Variants in RNF125 observed in about 807,000 individuals in gnomAD.
RNF125 encodes E3 ubiquitin-protein ligase RNF125.
In RNF125, 21 loss-of-function variants were observed where a neutral mutation model predicts 26.0. The observed-to-expected ratio is 0.81, with a 90% CI of 0.57 to 1.16. The LOEUF (loss-of-function observed/expected upper bound fraction) is 1.16, where lower values mean the gene tolerates loss of function less well. RNF125 is among the 50% of genes most tolerant of loss of function. The pLI is 0.00. For missense variants in RNF125, 270 were observed against 299.4 expected (o/e 0.90, Z 0.72); for synonymous variants, 95 against 109.2 (o/e 0.87, Z 0.81).
intron 4 of RNF125, among the ~76,000 whole-genome samples, chr18:32,049,069 G>A (rs148695614): frequency 4.9e-4 from 74 of 152,314 alleles, no homozygotes; most frequent in African/African-American, 1.7e-3. Context: ...GGGGCAGGCC[G>A]TGTACTGGTC....
intron 2 of RNF125, among the ~76,000 whole-genome samples, chr18:32,037,966 C>T (rs1446707237): frequency 6.6e-6 from 1 of 152,052 alleles, no homozygotes; most frequent in Admixed American, 6.6e-5. Context: ...GCTTGGGTCC[C>T]CTTCCATGTT....
At chr18:32,047,577 G>A (rs1196720197) in intron 4 of RNF125, among the ~76,000 whole-genome samples, 1 of 152,128 alleles carries the variant, frequency 6.6e-6, no homozygotes, top group East Asian at 1.9e-4. Flanking sequence ...ACCATAATTG[G>A]GAACATTTAT....
chr18:32,055,680 A>T (rs1384973715), intron 4 of RNF125, among the ~76,000 whole-genome samples: 1 of 152,010 alleles, frequency 6.6e-6, no homozygotes, highest in Non-Finnish European at 1.5e-5. Context: ...GATTGTGGGG[A>T]TTATTAAGAG....
At chr18:32,023,673 C>T (rs1365388643) in intron 1 of RNF125, among the ~76,000 whole-genome samples, 1 of 152,158 alleles carries the variant, frequency 6.6e-6, no homozygotes, top group Non-Finnish European at 1.5e-5. Context: ...TGTTACTGAA[C>T]TTATGCATGT....
chr18:32,057,237 T>C (rs170861), intron 4 of RNF125, among the ~76,000 whole-genome samples: 51,382 of 152,008 alleles, frequency 0.34, 9,537 homozygotes, highest in South Asian at 0.43. Context: ...TTCTAGATAA[T>C]TGAATGTTAT....
rs569488414 is a variant in RNF125, at chr18:32,042,358, T to A, written c.413+85T>A. 9.4e-5 allele frequency: 76 copies of A among 811,690 alleles called. No individual in the cohort carries two copies. The African/African-American group carries it at 1.2e-3, about 13-fold the overall frequency. The allele number at this position is 811,690 out of a possible 1,614,324, so 50.3% of individuals were successfully genotyped here. ...TGGGCTGGAAACTTTAACATTCTTATGAAAATATTTACATATTTATGTTTA... is the reference window on the plus strand; with the variant it reads ...TGGGCTGGAAACTTTAACATTCTTAAGAAAATATTTACATATTTATGTTTA... On this transcript the variant is annotated intron_variant, in intron 3 of 5. Transcript: ENST00000217740.
chr18:32,083,856 T>C, the RNF125 span, among the ~76,000 whole-genome samples: 15 of 151,600 alleles, frequency 9.9e-5, no homozygotes, highest in East Asian at 2.1e-3. Flanking sequence ...TGAGCTATGA[T>C]TGTGCCACTG....
At chr18:32,040,269 C>CAT (rs2039203349) in intron 2 of RNF125, among the ~76,000 whole-genome samples, 1 of 104,490 alleles carries the variant, frequency 9.6e-6, no homozygotes, top group Non-Finnish European at 1.8e-5. Flanking sequence ...CAATTTCTTT[C>CAT]TTTTTTTTTT....
chr18:32,046,240 GAA>G (rs1259549686), intron 4 of RNF125, among the ~76,000 whole-genome samples: 17 of 130,722 alleles, frequency 1.3e-4, no homozygotes, highest in Non-Finnish European at 2.3e-4. Flanking sequence ...AAAAAAAAGA[GAA>G]AGAGAGATCT....
At position 32,028,619 on chromosome 18, in the gene RNF125, C is replaced by G. The variant is rs559567950; in HGVS notation, c.165-8497C>G. Among the ~76,000 whole-genome samples the G allele has an allele frequency of 1.3e-3, 184 of 141,806 alleles. 1 individual carries two copies. Among genetic ancestry groups the G allele is most frequent in the Non-Finnish European group, 2.2e-3 (146 of 66,446 alleles). The allele number at this position is 141,806 out of a possible 152,430, so 93.0% of individuals were successfully genotyped here. A position where few individuals can be genotyped will look rare whatever the true frequency, so the allele number is the denominator to read the frequency against. On this transcript the variant is annotated intron_variant, in intron 1 of 5. Transcript: ENST00000217740. Reference sequence around the variant, plus strand: ...TTTTTTTTTGAGATGGGGTCTCGCTCTGTTATTCCGGCTGGGGTGCTGTGG... The same window carrying G: ...TTTTTTTTTGAGATGGGGTCTCGCTGTGTTATTCCGGCTGGGGTGCTGTGG...
intron 1 of RNF125, among the ~76,000 whole-genome samples, chr18:32,036,677 G>A (rs952602551): frequency 2.0e-5 from 3 of 149,648 alleles, no homozygotes; most frequent in Non-Finnish European, 4.5e-5. Flanking sequence ...GAGGGAAGGA[G>A]AAAATGGTTT....
chr18:32,024,726 C>A (rs1299398733), intron 1 of RNF125, among the ~76,000 whole-genome samples: 1 of 151,990 alleles, frequency 6.6e-6, no homozygotes, highest in African/African-American at 2.4e-5. Flanking sequence ...CAGGCATGAG[C>A]ACTCCCAAAC....
At chr18:32,034,540 GATTAAAT>G (rs2039132866) in intron 1 of RNF125, among the ~76,000 whole-genome samples, 1 of 152,154 alleles carries the variant, frequency 6.6e-6, no homozygotes, top group Non-Finnish European at 1.5e-5. Flanking sequence ...AGTGTATTAA[GATTAAAT>G]GAATTAAGGT....
chr18:32,058,161 G>C lies in RNF125; in HGVS notation c.505-7741G>C, dbSNP rs571661871. 7.2e-4 allele frequency among the ~76,000 whole-genome samples: 108 copies of C among 150,728 alleles called. 3 individuals carry two copies. In the South Asian group the frequency reaches 0.023, roughly 32 times the overall value. On this transcript the variant is annotated intron_variant, in intron 4 of 5. Transcript: ENST00000217740. ...AAAAAAAAAAAAAAAAAAAATTAAAGGGCAAGTGAGAAGTATGACCATATA... is the reference window on the plus strand; with the variant it reads ...AAAAAAAAAAAAAAAAAAAATTAAACGGCAAGTGAGAAGTATGACCATATA...
chr18:32,050,262 G>C (rs558889989), intron 4 of RNF125, among the ~76,000 whole-genome samples: 1 of 152,098 alleles, frequency 6.6e-6, no homozygotes, highest in Admixed American at 6.6e-5. Flanking sequence ...TTTCTTATAT[G>C]CATCCTTAAG....
Position 32,068,333 on chromosome 18 carries a change from A to G in RNF125, c.648A>G (p.Arg216=). Residue 216 remains arginine, a synonymous_variant, in exon 6 of 6, where the codon AGA becomes AGG. Transcript: ENST00000217740. The part of the protein sequence containing the change: ...FNIIEEALIR[R]VLDRSLLEYV... ...TAATTGAGGAAGCTCTTATCCGAAG[A>G]GTCTTAGACCGGTCACTTCTTGAAT... 2.5e-6 allele frequency: 4 copies of G among 1,593,058 alleles called. No individual in the cohort carries two copies. The highest frequency in any genetic ancestry group is 3.4e-6 in the Non-Finnish European group (4 of 1,161,866).
intron 2 of RNF125, among the ~76,000 whole-genome samples, chr18:32,038,499 C>G (rs879727099): frequency 2.6e-5 from 4 of 152,202 alleles, no homozygotes; most frequent in Admixed American, 2.6e-4. Flanking sequence ...TCCTCCAGTT[C>G]TGCTACTCTG....
At chr18:32,065,853 A>G in intron 4 of RNF125, 49 bp from the exon 5 acceptor site, 4 of 1,325,830 alleles carry the variant, frequency 3.0e-6, no homozygotes, top group Middle Eastern at 1.8e-4. Flanking sequence ...TCTAACACTA[A>G]TAACGATTTT....
chr18:32,077,169 A>G (rs1321964167), downstream of RNF125, among the ~76,000 whole-genome samples: 1 of 152,074 alleles, frequency 6.6e-6, no homozygotes, highest in African/African-American at 2.4e-5. Flanking sequence ...ATATACACAT[A>G]TACATCATCA....
Sources: gnomAD v4.1 joint callset for allele counts (sites outside exome capture counted in the v4.1 genomes callset) on GRCh38, gnomAD v4.1.1 for gene constraint, MANE v1.5 for transcripts, NCBI Gene and HGNC (gene_info 2026-07-23, HGNC 2026-07-21) for gene names.